Variants in MX2 observed in about 807,000 individuals in gnomAD.
MX2 encodes interferon-induced GTP-binding protein Mx2.
Under a neutral mutation model 74.0 loss-of-function variants are expected in MX2, and 51 were observed. That is an observed-to-expected ratio of 0.69 (90% CI 0.55 to 0.87). The LOEUF (loss-of-function observed/expected upper bound fraction) is 0.87. Ranked by LOEUF, MX2 falls within the 40% of genes least tolerant of loss-of-function variation. The pLI is 0.00. For synonymous variants in MX2, 369 were observed against 339.3 expected, an observed-to-expected ratio of 1.09 and a Z score of -0.96; for missense variants, 832 against 908.7, an observed-to-expected ratio of 0.92 and a Z score of 1.09.
rs747255611 is a variant in MX2 at position 41,390,748 on chromosome 21, G to A, written c.871+45G>A. ...TGGCCGGGTGCGGTGGCTCAAGCCT[G>A]TAATCCCAGCACTTTGGGAGGCCAA... On this transcript the variant is annotated intron_variant, in intron 6 of 13. Coordinates refer to ENST00000330714, the MANE Select transcript of MX2 (RefSeq NM_002463.2). 3 of 1,604,254 alleles carry A rather than the reference G, an allele frequency of 1.9e-6. No individual in the cohort carries two copies. The East Asian group carries it at 6.7e-5, about 36-fold the overall frequency.
At chr21:41,370,118 G>A (rs964633282) in intron 1 of MX2, 1 of 152,280 alleles carries the variant, frequency 6.6e-6, no homozygotes, top group South Asian at 2.1e-4. Context: ...ACCATGGCGG[G>A]TGGGTAAAGG....
chr21:41,399,454 C>T, intron 10 of MX2, 117 bp downstream of exon 10: 1 of 1,149,054 alleles, frequency 8.7e-7, no homozygotes, highest in Non-Finnish European at 1.2e-6. Flanking sequence ...GACCGTGGAA[C>T]CCTTGGTAAT....
intron 1 of MX2, among the ~76,000 whole-genome samples, chr21:41,376,354 C>T (rs2089401399): frequency 1.3e-5 from 2 of 152,018 alleles, no homozygotes; most frequent in Admixed American, 1.3e-4. Flanking sequence ...AGCAACATGG[C>T]AAAAAACCCA....
rs2089474805 is a variant in MX2 at position 41,380,470 on chromosome 21, C to T, written c.577+319C>T. Among the ~76,000 whole-genome samples the T allele has an allele frequency of 1.3e-5, 2 of 152,300 alleles. No individual in the cohort carries two copies. Among genetic ancestry groups the T allele is most frequent in the Middle Eastern group, 6.8e-3 (2 of 294 alleles). ...TTCTCTACTCCACAGGGTACTCGCC[C>T]TCTCTTCCTTCCAGGTTTCTCCCCT... On this transcript the variant is annotated intron_variant, in intron 4 of 13. Transcript: ENST00000330714. The surrounding 1 kb of genome is among the most constrained non-coding windows in gnomAD (Gnocchi z 4.3).
chr21:41,404,886 AAAAAAG>A (rs1363451165), intron 12 of MX2: 8 of 150,638 alleles, frequency 5.3e-5, no homozygotes, highest in African/African-American at 1.9e-4. Flanking sequence ...AAAAAAAAAA[AAAAAAG>A]AAAAAGAAAA....
At chr21:41,373,233 C>A (rs2089348052) in intron 1 of MX2, among the ~76,000 whole-genome samples, 1 of 152,178 alleles carries the variant, frequency 6.6e-6, no homozygotes, top group South Asian at 2.1e-4. Flanking sequence ...CTCACATTGA[C>A]TCAGGAACTG....
chr21:41,401,990 G>A lies in MX2; in HGVS notation c.1435G>A (p.Glu479Lys). The A allele has an allele frequency of 6.2e-7, 1 of 1,613,588 alleles. No individual in the cohort carries two copies. Among genetic ancestry groups the A allele is most frequent in the Non-Finnish European group, 8.5e-7 (1 of 1,179,882 alleles). Residue 479 changes from glutamate (E) to lysine (K), a missense_variant, in exon 11 of 14, where the codon GAA becomes AAA. Transcript: ENST00000330714. ...TQKVKNIIHE[E>K]VEKYEKQYRG... ...TGCAGTTAAAAATATTATCCACGAAGAAGTTGAAAAATATGAAAAGCAGTA... is the reference window on the plus strand; with the variant it reads ...TGCAGTTAAAAATATTATCCACGAAAAAGTTGAAAAATATGAAAAGCAGTA...
In MX2 at chr21:41,399,363, A is replaced by G. The variant is rs529895990; in HGVS notation, c.1414+26A>G. ...GTAAGTTCTGGGCAGGGCTCCCTGCAAAACAGGGTGGTATTTACCCAGACC... is the reference window on the plus strand; with the variant it reads ...GTAAGTTCTGGGCAGGGCTCCCTGCGAAACAGGGTGGTATTTACCCAGACC... On this transcript the variant is annotated intron_variant, in intron 10 of 13. Coordinates refer to ENST00000330714, the MANE Select transcript of MX2 (RefSeq NM_002463.2). The G allele has an allele frequency of 2.7e-5, 43 of 1,609,180 alleles. No homozygotes were observed. The East Asian group carries it at 5.6e-4, about 21-fold the overall frequency.
chr21:41,377,266 C>G, intron 2 of MX2, 111 bp downstream of exon 2: 1 of 1,413,734 alleles, frequency 7.1e-7, no homozygotes, highest in Non-Finnish European at 9.6e-7. Flanking sequence ...TCCTCCAGCA[C>G]AGCTGATGTC....
chr21:41,389,362 A>T (rs891265904), intron 5 of MX2, among the ~76,000 whole-genome samples: 4 of 152,030 alleles, frequency 2.6e-5, no homozygotes, highest in African/African-American at 7.3e-5. Flanking sequence ...AAAAATAAAA[A>T]ATTAAAAAAT....
At chr21:41,384,224 T>C (rs762285878) in intron 5 of MX2, among the ~76,000 whole-genome samples, 40 of 152,338 alleles carry the variant, frequency 2.6e-4, no homozygotes, top group Non-Finnish European at 5.0e-4. Context: ...TGCGAGTCAG[T>C]TAAACCTCTT....
At chr21:41,391,610 A>G (rs1198091207) in intron 6 of MX2, among the ~76,000 whole-genome samples, 1 of 151,898 alleles carries the variant, frequency 6.6e-6, no homozygotes, top group East Asian at 1.9e-4. Context: ...TCAAACTCCC[A>G]ATCTCAGGTG....
chr21:41,392,165 G>A (rs912990288), intron 6 of MX2, among the ~76,000 whole-genome samples: 20 of 152,136 alleles, frequency 1.3e-4, no homozygotes, highest in Admixed American at 2.0e-4. Flanking sequence ...ATGCATTCTA[G>A]GTCAAGTATA....
chr21:41,379,143 A>T (rs1408270292), intron 3 of MX2, among the ~76,000 whole-genome samples: 2 of 152,188 alleles, frequency 1.3e-5, no homozygotes, highest in African/African-American at 4.8e-5. Flanking sequence ...CCTGGGCACA[A>T]GGCAGGAGAG....
chr21:41,380,351 C>A lies in MX2; in HGVS notation c.577+200C>A, dbSNP rs1356831534. Reference sequence around the variant, plus strand: ...CCAGGTCCCCTCTCATCGAGTCATCCCATGCCGAGGACCCTCTGGTGGCTT... The same window carrying A: ...CCAGGTCCCCTCTCATCGAGTCATCACATGCCGAGGACCCTCTGGTGGCTT... On this transcript the variant is annotated intron_variant, in intron 4 of 13. Coordinates refer to ENST00000330714, the MANE Select transcript of MX2 (RefSeq NM_002463.2). The surrounding 1 kb of genome is among the most constrained non-coding windows in gnomAD (Gnocchi z 4.3). Among the ~76,000 whole-genome samples, 1 of 152,138 alleles carries A rather than the reference C, an allele frequency of 6.6e-6. No homozygotes were observed. The highest frequency in any genetic ancestry group is 1.5e-5 in the Non-Finnish European group (1 of 68,020).
At chr21:41,374,958 C>T (rs963364105) in intron 1 of MX2, among the ~76,000 whole-genome samples, 3 of 152,228 alleles carry the variant, frequency 2.0e-5, no homozygotes, top group Non-Finnish European at 4.4e-5. Context: ...AAGACCTCTG[C>T]CCACATCTTG....
In MX2 at chr21:41,382,417, C is replaced by A. The variant is rs540281554; in HGVS notation, c.585C>A (p.Asn195Lys). 1 of 1,614,030 alleles carries A rather than the reference C, an allele frequency of 6.2e-7. No homozygotes were observed. Among genetic ancestry groups the A allele is most frequent in the Admixed American group, 1.7e-5 (1 of 60,016 alleles). The change falls in exon 5 of 14, where the codon AAC (asparagine) becomes AAA (lysine). Residue 195 changes from asparagine to lysine, a missense_variant. Coordinates refer to ENST00000330714, the MANE Select transcript of MX2 (RefSeq NM_002463.2). Reference sequence around the variant, plus strand: ...CCCTCCTGGCCTCCATAGCCCAGAACGTCATGGCCGGGAATGGCCGGGGCA... The same window carrying A: ...CCCTCCTGGCCTCCATAGCCCAGAAAGTCATGGCCGGGAATGGCCGGGGCA... ...QVEKEIHKAQ[N>K]VMAGNGRGIS...
Position 41,408,388 on chromosome 21 carries a change from G to C in MX2, c.*155G>C. 9.8e-7 allele frequency: 1 copy of C among 1,022,788 alleles called. No homozygotes were observed. The allele number at this position is 1,022,788 out of a possible 1,614,324, so 63.4% of individuals were successfully genotyped here. A position where few individuals can be genotyped will look rare whatever the true frequency, so the allele number is the denominator to read the frequency against. ...CCTCAGCATCAGAGCATGCATCAGGGGTCCACACAGGCTCAGCTCTCTCCA... is the reference window on the plus strand; with the variant it reads ...CCTCAGCATCAGAGCATGCATCAGGCGTCCACACAGGCTCAGCTCTCTCCA... On this transcript the variant is annotated 3_prime_UTR_variant, in exon 14 of 14. Coordinates refer to ENST00000330714, the MANE Select transcript of MX2 (RefSeq NM_002463.2).
intron 12 of MX2, chr21:41,404,063 A>G (rs2089853123): frequency 5.4e-6 from 1 of 184,390 alleles, no homozygotes; most frequent in Non-Finnish European, 1.1e-5. Context: ...CAAGATGTCC[A>G]TTGTCCTTCC....
Sources: allele counts gnomAD v4.1 joint callset (sites outside exome capture counted in the v4.1 genomes callset), GRCh38; gene constraint gnomAD v4.1.1; non-coding constraint Gnocchi (gnomAD v3.1); transcripts MANE v1.5; gene names NCBI Gene and HGNC (gene_info 2026-07-23, HGNC 2026-07-21).